TEX9: variants seen among roughly 807,000 people sequenced by gnomAD.
TEX9 encodes testis-expressed protein 9.
A neutral mutation model predicts 59.6 loss-of-function variants in TEX9; 74 were observed. The observed-to-expected ratio is 1.24, with a 90% CI of 1.03 to 1.51. TEX9 has a LOEUF of 1.51. Among genes scored for constraint, TEX9 ranks in the 40% most tolerant of loss-of-function variants. TEX9 has a pLI of 0.00. For missense variants in TEX9, 522 were observed against 447.8 expected, an observed-to-expected ratio of 1.17 and a Z score of -1.49; for synonymous variants, 186 against 152.2, an observed-to-expected ratio of 1.22 and a Z score of -1.64.
chr15:56,460,009 A>AAAAAAAATATATATATAT, the TEX9 span, among the ~76,000 whole-genome samples: 3 of 26,386 alleles, frequency 1.1e-4, 1 homozygote, highest in Non-Finnish European at 2.1e-4. Context: ...AAAAAAAAAA[A>AAAAAAAATATATATATAT]ATACATATAT....
chr15:56,439,294 T>G (rs1267546022), intron 12 of TEX9, among the ~76,000 whole-genome samples: 1 of 152,118 alleles, frequency 6.6e-6, no homozygotes, highest in Non-Finnish European at 1.5e-5. Flanking sequence ...AGAGCCAAAT[T>G]GTGTTCATGA....
chr15:56,336,795 C>T (rs999255345), intron 1 of TEX9, among the ~76,000 whole-genome samples: 4 of 152,110 alleles, frequency 2.6e-5, no homozygotes, highest in African/African-American at 4.8e-5. Context: ...GGGAATTGGG[C>T]CCTTATACTC....
intron 1 of TEX9, among the ~76,000 whole-genome samples, chr15:56,359,089 G>A (rs1405372637): frequency 6.6e-6 from 1 of 152,108 alleles, no homozygotes; most frequent in African/African-American, 2.4e-5. Context: ...ATCTCTTTAA[G>A]CTCCTCTTGG....
intron 3 of TEX9, among the ~76,000 whole-genome samples, chr15:56,380,771 G>C (rs2718917): frequency 2.0e-5 from 3 of 152,208 alleles, no homozygotes; most frequent in Non-Finnish European, 2.9e-5. Context: ...AGGTTTCCAC[G>C]GAGAAGTCTG....
intron 1 of TEX9, among the ~76,000 whole-genome samples, chr15:56,254,923 C>T (rs2044109393): frequency 6.6e-6 from 1 of 151,626 alleles, no homozygotes; most frequent in Admixed American, 6.6e-5. Flanking sequence ...TATGTATCAC[C>T]AATAGAATCT....
At chr15:56,373,655 A>T in intron 3 of TEX9, 151 bp downstream of exon 3, 2 of 575,018 alleles carry the variant, frequency 3.5e-6, no homozygotes, top group Non-Finnish European at 5.6e-6. Flanking sequence ...ATATATGCAT[A>T]GGTATAGGAA....
At chr15:56,406,082 T>C (rs1245229899) in intron 9 of TEX9, among the ~76,000 whole-genome samples, 2 of 152,160 alleles carry the variant, frequency 1.3e-5, no homozygotes, top group Non-Finnish European at 2.9e-5. Flanking sequence ...CCTTCCAGAA[T>C]ATCCTTTGTA....
intron 1 of TEX9, among the ~76,000 whole-genome samples, chr15:56,325,255 G>T (rs1428763018): frequency 1.3e-5 from 2 of 152,132 alleles, no homozygotes; most frequent in African/African-American, 4.8e-5. Context: ...CTTTCTCAAG[G>T]TTAATCCATC....
the TEX9 span, among the ~76,000 whole-genome samples, chr15:56,453,595 CAT>C: frequency 0.029 from 4,388 of 152,198 alleles, 234 homozygotes; most frequent in African/African-American, 0.099. Flanking sequence ...CTTTTGCTTT[CAT>C]AACAGTATGT....
At chr15:56,319,154 A>G (rs1431420670) in intron 1 of TEX9, among the ~76,000 whole-genome samples, 6 of 152,048 alleles carry the variant, frequency 3.9e-5, no homozygotes, top group African/African-American at 1.4e-4. Flanking sequence ...TATTATCACT[A>G]TAAATTTGAG....
intron 1 of TEX9, among the ~76,000 whole-genome samples, chr15:56,352,886 G>A (rs1330273793): frequency 3.9e-5 from 6 of 152,168 alleles, no homozygotes; most frequent in African/African-American, 1.4e-4. Context: ...TACTATATGA[G>A]AGTTCTTTGG....
In TEX9 at chr15:56,264,863, C is replaced by CT. The variant is rs1393879402; in HGVS notation, c.-107+20589dup. On this transcript the variant is annotated intron_variant, in intron 1 of 5. Transcript: ENST00000560827. ...ACTATGTTTTAGAAAGATAATCAGT[C>CT]TTTTCTCTATGGAATTGCCTTTGCA... 2.0e-5 allele frequency among the ~76,000 whole-genome samples: 3 copies of CT among 152,296 alleles called. No homozygotes were observed. The East Asian group carries it at 5.8e-4, about 29-fold the overall frequency.
At chr15:56,322,528 A>G (rs1392627818) in intron 1 of TEX9, among the ~76,000 whole-genome samples, 1 of 152,132 alleles carries the variant, frequency 6.6e-6, no homozygotes, top group Non-Finnish European at 1.5e-5. Context: ...GATATACTTA[A>G]TATTACCTCA....
chr15:56,439,040 C>T (rs924248609), intron 12 of TEX9, among the ~76,000 whole-genome samples: 4 of 151,980 alleles, frequency 2.6e-5, no homozygotes, highest in African/African-American at 7.2e-5. Context: ...AGAAGACATG[C>T]CTGACTATGT....
intron 12 of TEX9, chr15:56,443,893 T>C (rs1276408380): frequency 7.2e-7 from 1 of 1,393,714 alleles, no homozygotes; most frequent in African/African-American, 1.5e-5. Context: ...TAGTAAACAA[T>C]AAAATATAAA....
Position 56,391,191 on chromosome 15 carries a change from T to C in TEX9, c.396-52T>C, listed in dbSNP as rs371893385. ...ATATATCCTGTCTACCTTTCCTATT[T>C]TGTTCATATGTACGTATATACATAC... On this transcript the variant is annotated intron_variant, in intron 6 of 12. Coordinates refer to ENST00000352903, the Ensembl canonical transcript of TEX9. 7.0e-5 allele frequency: 85 copies of C among 1,214,386 alleles called. 1 individual carries two copies. In the African/African-American group the frequency reaches 1.0e-3, roughly 15 times the overall value. The allele number at this position is 1,214,386 out of a possible 1,614,324, so 75.2% of individuals were successfully genotyped here.
intron 1 of TEX9, among the ~76,000 whole-genome samples, chr15:56,261,729 T>A (rs2044274105): frequency 6.6e-6 from 1 of 151,210 alleles, no homozygotes; most frequent in Non-Finnish European, 1.5e-5. Flanking sequence ...AAAAAAAAAA[T>A]TATTAACTGT....
Position 56,274,419 on chromosome 15 carries a change from T to C in TEX9, c.-107+30141T>C, listed in dbSNP as rs531141300. The C allele has an allele frequency of 3.9e-5, 6 of 152,348 alleles. No individual in the cohort carries two copies. The South Asian group carries it at 1.2e-3, about 32-fold the overall frequency. The allele number at this position is 152,348 out of a possible 1,614,324, so 9.4% of individuals were successfully genotyped here. ...ATTAATTGTAGTTATTTTAAGTTAC[T>C]TGTCAGATAATTGTAATGTCTACAT... On this transcript the variant is annotated intron_variant, in intron 1 of 5. Transcript: ENST00000560827.
At chr15:56,346,540 C>A (rs1210587288) in intron 1 of TEX9, among the ~76,000 whole-genome samples, 1 of 152,200 alleles carries the variant, frequency 6.6e-6, no homozygotes, top group Non-Finnish European at 1.5e-5. Flanking sequence ...GATATCCTGT[C>A]CAAAGTCTTG....
Sources: allele counts gnomAD v4.1 joint callset (sites outside exome capture counted in the v4.1 genomes callset), GRCh38; gene constraint gnomAD v4.1.1; transcripts MANE v1.5; gene names NCBI Gene and HGNC (gene_info 2026-07-23, HGNC 2026-07-21).